The following CTNND2 variants were observed in gnomAD, a reference collection of about 807,000 sequenced individuals.
CTNND2 encodes the protein catenin delta 2.
A neutral mutation model predicts 144.4 loss-of-function variants in CTNND2; 22 were observed. That is an observed-to-expected ratio of 0.15 (90% CI 0.11 to 0.22). The LOEUF (loss-of-function observed/expected upper bound fraction) is 0.22. Among genes scored for constraint, CTNND2 ranks in the 10% least tolerant of loss-of-function variants. The pLI is 1.00. For missense variants in CTNND2, 1,353 were observed against 1,618.8 expected (o/e 0.84, Z 2.82); for synonymous variants, 751 against 695.6 (o/e 1.08, Z -1.25).
intron 3 of CTNND2, among the ~76,000 whole-genome samples, chr5:11,493,737 C>A (rs1474766172): frequency 6.6e-6 from 1 of 152,138 alleles, no homozygotes; most frequent in Non-Finnish European, 1.5e-5. Flanking sequence ...TAGCAGAATT[C>A]TAACCTTCAG....
intron 3 of CTNND2, among the ~76,000 whole-genome samples, chr5:11,481,256 G>C (rs1162091038): frequency 6.6e-6 from 1 of 152,114 alleles, no homozygotes; most frequent in Non-Finnish European, 1.5e-5. Context: ...CCTGAATTTT[G>C]ATTTTTATAA....
chr5:11,567,959 G>A (rs1207040100), intron 2 of CTNND2, among the ~76,000 whole-genome samples: 2 of 152,144 alleles, frequency 1.3e-5, no homozygotes, highest in East Asian at 3.9e-4. Flanking sequence ...TTATGTGAAA[G>A]CAATTTGATA....
At chr5:11,583,721 T>C (rs1426060667) in intron 2 of CTNND2, among the ~76,000 whole-genome samples, 2 of 152,222 alleles carry the variant, frequency 1.3e-5, no homozygotes, top group Admixed American at 1.3e-4. Context: ...GGTTTATAAA[T>C]TTTTAAATGA....
intron 1 of CTNND2, among the ~76,000 whole-genome samples, chr5:11,817,410 GGAGAGAGAGAGAGAGAGAGAGAGAGA>G (rs1157713122): frequency 0.046 from 1,026 of 22,332 alleles, 104 homozygotes; most frequent in Non-Finnish European, 0.056. Flanking sequence ...GAGAGAGGAG[GGAGAGAGAGAGAGAGAGAGAGAGAGA>G]GAGAGAGAGA....
intron 1 of CTNND2, among the ~76,000 whole-genome samples, chr5:11,744,690 TGTGTGC>T (rs1345482991): frequency 1.7e-3 from 249 of 146,988 alleles, no homozygotes; most frequent in African/African-American, 6.2e-3. Flanking sequence ...TGTGTTTGTG[TGTGTGC>T]GTGTGTGTGT....
At chr5:10,996,046 C>G (rs1739307272) in intron 18 of CTNND2, among the ~76,000 whole-genome samples, 1 of 152,110 alleles carries the variant, frequency 6.6e-6, no homozygotes, top group Non-Finnish European at 1.5e-5. Context: ...AGCGAGCTGA[C>G]TGGCCAGGGC....
At chr5:11,314,027 C>T (rs150497704) in intron 9 of CTNND2, among the ~76,000 whole-genome samples, 126 of 152,250 alleles carry the variant, frequency 8.3e-4, no homozygotes, top group African/African-American at 3.0e-3. Context: ...GCCCCTCCTC[C>T]AACATTGGGA....
chr5:11,158,549 T>C (rs1758447951), intron 12 of CTNND2, among the ~76,000 whole-genome samples: 1 of 152,160 alleles, frequency 6.6e-6, no homozygotes, highest in Non-Finnish European at 1.5e-5. Flanking sequence ...GGCTCTTATC[T>C]TGCTCTGTGC....
At chr5:11,556,494 G>A (rs1327132374) in intron 3 of CTNND2, among the ~76,000 whole-genome samples, 1 of 152,048 alleles carries the variant, frequency 6.6e-6, no homozygotes, top group African/African-American at 2.4e-5. Flanking sequence ...CTCACAAAAT[G>A]TATGTGACCA....
At chr5:11,879,797 G>A (rs78053714) in intron 1 of CTNND2, among the ~76,000 whole-genome samples, 92 of 152,226 alleles carry the variant, frequency 6.0e-4, no homozygotes, top group African/African-American at 2.1e-3. Flanking sequence ...CTTTTTCTAT[G>A]ATGTGGGTAG....
intron 14 of CTNND2, among the ~76,000 whole-genome samples, chr5:11,107,680 T>C (rs1379521247): frequency 6.6e-6 from 1 of 152,220 alleles, no homozygotes; most frequent in Non-Finnish European, 1.5e-5. Context: ...ATTTAGATGG[T>C]GCATTTGTTT....
At chr5:11,231,189 G>T (rs1354719351) in intron 10 of CTNND2, among the ~76,000 whole-genome samples, 1 of 152,046 alleles carries the variant, frequency 6.6e-6, no homozygotes, top group African/African-American at 2.4e-5. Flanking sequence ...GTTTTCTGAG[G>T]CATCTCCAGT....
intron 3 of CTNND2, among the ~76,000 whole-genome samples, chr5:11,483,688 T>C (rs909184902): frequency 5.3e-5 from 8 of 152,174 alleles, no homozygotes; most frequent in Admixed American, 2.0e-4. Context: ...GTGAACTTCA[T>C]GGTTCAGTGA....
At chr5:11,048,294 T>C (rs1282311962) in intron 16 of CTNND2, among the ~76,000 whole-genome samples, 1 of 152,154 alleles carries the variant, frequency 6.6e-6, no homozygotes, top group Non-Finnish European at 1.5e-5. Context: ...TATCCCAAGG[T>C]AGTTTCTAAG....
intron 16 of CTNND2, among the ~76,000 whole-genome samples, chr5:11,070,730 C>T (rs1404484344): frequency 6.6e-6 from 1 of 152,096 alleles, no homozygotes; most frequent in Non-Finnish European, 1.5e-5. Flanking sequence ...GAGAGGTATC[C>T]TTTGTGGATG....
intron 11 of CTNND2, among the ~76,000 whole-genome samples, chr5:11,168,664 C>G (rs1211948507): frequency 3.9e-5 from 6 of 152,300 alleles, no homozygotes; most frequent in African/African-American, 1.4e-4. Flanking sequence ...AAAGACTATA[C>G]TCTTTTATCT....
At chr5:11,575,487 C>G (rs1317997136) in intron 2 of CTNND2, among the ~76,000 whole-genome samples, 1 of 152,136 alleles carries the variant, frequency 6.6e-6, no homozygotes, top group Non-Finnish European at 1.5e-5. Flanking sequence ...CCTCTACTCT[C>G]TGTGTCATCA....
chr5:11,588,720 CTT>C, intron 2 of CTNND2: 1 of 980,656 alleles, frequency 1.0e-6, no homozygotes, highest in Non-Finnish European at 1.2e-6. Flanking sequence ...TTAGTTTTCA[CTT>C]TTTGTCTTTT....
At chr5:11,214,275 T>C (rs1454180234) in intron 10 of CTNND2, among the ~76,000 whole-genome samples, 1 of 152,228 alleles carries the variant, frequency 6.6e-6, no homozygotes, top group Admixed American at 6.5e-5. Context: ...ATGTCAGGTT[T>C]ATAAAAATCA....
Sources: gnomAD v4.1 joint callset for allele counts (sites outside exome capture counted in the v4.1 genomes callset) on GRCh38, gnomAD v4.1.1 for gene constraint, MANE v1.5 for transcripts, NCBI Gene and HGNC (gene_info 2026-07-23, HGNC 2026-07-21) for gene names.